Variants in SLC4A10 observed in about 807,000 individuals in gnomAD.
SLC4A10 encodes solute carrier family 4 member 10.
A neutral mutation model predicts 137.7 loss-of-function variants in SLC4A10; 42 were observed. The ratio of observed to expected loss-of-function variants is 0.30; its 90% CI spans 0.24 to 0.39. SLC4A10 has a LOEUF of 0.39. Among genes scored for constraint, SLC4A10 ranks in the 10% least tolerant of loss-of-function variants. The pLI is 1.00. For synonymous variants in SLC4A10, 474 were observed against 464.1 expected, an observed-to-expected ratio of 1.02 and a Z score of -0.27; for missense variants, 925 against 1,355.0, an observed-to-expected ratio of 0.68 and a Z score of 4.98.
Position 161,950,692 on chromosome 2 carries a change from T to C in SLC4A10, c.2385T>C (p.Thr795=), listed in dbSNP as rs1694649324. Residue 795 remains threonine, a synonymous_variant, in exon 19 of 27, where the codon ACT becomes ACC. Transcript: ENST00000446997. ...ACATTCTTTACTTTATACAGCCCAC[T>C]AGAGATGATCGTGGCTGGTTTGTTA... is the stretch of plus-strand genomic sequence containing the variant. ...KLQVPSVFKP[T]RDDRGWFVTP... 6.3e-7 allele frequency: 1 copy of C among 1,584,656 alleles called. No individual in the cohort carries two copies. The highest frequency in any genetic ancestry group is 8.6e-7 in the Non-Finnish European group (1 of 1,163,566).
intron 22 of SLC4A10, among the ~76,000 whole-genome samples, chr2:161,964,676 T>C (rs1029052843): frequency 6.6e-6 from 1 of 152,164 alleles, no homozygotes; most frequent in Non-Finnish European, 1.5e-5. Context: ...AAAACTATAG[T>C]GAATTTGAAT....
intron 21 of SLC4A10, 31 bp downstream of exon 21, chr2:161,958,586 T>C: frequency 6.6e-7 from 1 of 1,522,440 alleles, no homozygotes; most frequent in Non-Finnish European, 9.0e-7. Context: ...CAGGCACATC[T>C]GTGATGACTG....
chr2:161,745,835 T>C (rs1408040323), intron 1 of SLC4A10, among the ~76,000 whole-genome samples: 2 of 152,098 alleles, frequency 1.3e-5, no homozygotes, highest in Non-Finnish European at 2.9e-5. Flanking sequence ...CTAAAAGAGG[T>C]ACTGCCTTGG....
chr2:161,721,256 A>C (rs551745081), intron 1 of SLC4A10, among the ~76,000 whole-genome samples: 2 of 152,206 alleles, frequency 1.3e-5, no homozygotes, highest in South Asian at 4.2e-4. Flanking sequence ...TAGATTTGTT[A>C]GTGTAGTTGC....
intron 1 of SLC4A10, among the ~76,000 whole-genome samples, chr2:161,726,817 G>T (rs986147502): frequency 1.3e-5 from 2 of 152,222 alleles, no homozygotes; most frequent in Non-Finnish European, 2.9e-5. Context: ...GCTGAGGCAG[G>T]AGAATCAATT....
chr2:161,772,296 T>A (rs537018820), intron 2 of SLC4A10, among the ~76,000 whole-genome samples: 1 of 151,950 alleles, frequency 6.6e-6, no homozygotes, highest in African/African-American at 2.4e-5. Flanking sequence ...ATATTTACCT[T>A]CCTATTTATG....
At chr2:161,641,366 A>C (rs1352910342) in intron 1 of SLC4A10, among the ~76,000 whole-genome samples, 1 of 151,898 alleles carries the variant, frequency 6.6e-6, no homozygotes, top group African/African-American at 2.4e-5. Flanking sequence ...TATATGACAA[A>C]TTTGACAAAA....
intron 2 of SLC4A10, among the ~76,000 whole-genome samples, chr2:161,801,987 T>C (rs1257073565): frequency 6.6e-6 from 1 of 152,090 alleles, no homozygotes; most frequent in African/African-American, 2.4e-5. Flanking sequence ...GTCAATAAAA[T>C]AATAAATAGG....
chr2:161,770,844 C>T (rs1212703584), intron 1 of SLC4A10, 129 bp from the exon 2 acceptor site: 4 of 573,730 alleles, frequency 7.0e-6, no homozygotes, highest in Non-Finnish European at 1.2e-5. Flanking sequence ...ATCAAATAGA[C>T]TACTCATGAA....
At chr2:161,901,718 C>G (rs1405018419) in intron 12 of SLC4A10, among the ~76,000 whole-genome samples, 1 of 152,086 alleles carries the variant, frequency 6.6e-6, no homozygotes, top group Non-Finnish European at 1.5e-5. Context: ...GTCCTCTAAG[C>G]TGACTTTCCA....
At chr2:161,677,721 TA>T (rs2040418149) in intron 1 of SLC4A10, among the ~76,000 whole-genome samples, 1 of 152,192 alleles carries the variant, frequency 6.6e-6, no homozygotes, top group South Asian at 2.1e-4. Context: ...AGTCATGTGA[TA>T]GGTTCTGTTA....
chr2:161,903,145 A>G (rs2105320602), intron 12 of SLC4A10, among the ~76,000 whole-genome samples: 1 of 152,304 alleles, frequency 6.6e-6, no homozygotes, highest in African/African-American at 2.4e-5. Context: ...TTAAAAAAAG[A>G]TCTCAAATTT....
intron 1 of SLC4A10, among the ~76,000 whole-genome samples, chr2:161,748,992 G>C (rs1574742366): frequency 6.6e-6 from 1 of 151,672 alleles, no homozygotes; most frequent in Non-Finnish European, 1.5e-5. Flanking sequence ...AGATCTTTTA[G>C]TTCTTTGATT....
chr2:161,718,857 G>C lies in SLC4A10; in HGVS notation c.49-52116G>C, dbSNP rs759611452. Among the ~76,000 whole-genome samples the C allele has an allele frequency of 8.5e-5, 13 of 152,098 alleles. No homozygotes were observed. In the South Asian group the frequency reaches 2.3e-3, roughly 27 times the overall value. On this transcript the variant is annotated intron_variant, in intron 1 of 26. Transcript: ENST00000446997. ...TCAAGTCCTTTGTTGATTTTCTGTC[G>C]TGATGATGAGTCTAATATTGACAGC...
At chr2:161,899,215 A>G (rs2063838482) in intron 11 of SLC4A10, among the ~76,000 whole-genome samples, 2 of 152,072 alleles carry the variant, frequency 1.3e-5, no homozygotes, top group Non-Finnish European at 2.9e-5. Context: ...ATATCATCAA[A>G]TCTTTTTTTC....
At chr2:161,946,865 T>C (rs935285170) in intron 16 of SLC4A10, among the ~76,000 whole-genome samples, 8 of 152,118 alleles carry the variant, frequency 5.3e-5, no homozygotes, top group African/African-American at 9.7e-5. Flanking sequence ...TCATTTGTTC[T>C]TTAGTCCAAG....
chr2:161,855,236 A>G, intron 5 of SLC4A10, 106 bp downstream of exon 5: 1 of 1,065,436 alleles, frequency 9.4e-7, no homozygotes, highest in Non-Finnish European at 1.3e-6. Context: ...ACTAATTCTC[A>G]TAATCACTGC....
chr2:161,770,188 G>A (rs538971314), intron 1 of SLC4A10, among the ~76,000 whole-genome samples: 10 of 151,672 alleles, frequency 6.6e-5, no homozygotes, highest in Admixed American at 4.0e-4. Context: ...GATAAAAGTT[G>A]GAAATATAAT....
Position 161,862,985 on chromosome 2 carries a change from C to A in SLC4A10, c.689C>A (p.Thr230Asn). Reference protein sequence around the residue: ...QHHHQNQKKLTNRIPIVRSFA... With the variant: ...QHHHQNQKKLNNRIPIVRSFA... ...CATCATCAGAATCAGAAAAAACTCA[C>A]CAACAGGATTCCCATTGTTCGTTCC... The change falls in exon 6 of 27, where the codon ACC (threonine) becomes AAC (asparagine). Residue 230 changes from threonine to asparagine, a missense_variant. Transcript: ENST00000446997. The A allele has an allele frequency of 6.2e-7, 1 of 1,613,880 alleles. No homozygotes were observed. Among genetic ancestry groups the A allele is most frequent in the Non-Finnish European group, 8.5e-7 (1 of 1,179,840 alleles).
Sources: gnomAD v4.1 joint callset for allele counts (sites outside exome capture counted in the v4.1 genomes callset) on GRCh38, gnomAD v4.1.1 for gene constraint, MANE v1.5 for transcripts, NCBI Gene and HGNC (gene_info 2026-07-23, HGNC 2026-07-21) for gene names.